Variants in ANKS1A observed in about 807,000 individuals in gnomAD.
The protein encoded by ANKS1A is ankyrin repeat and sterile alpha motif domain containing 1A.
Under a neutral mutation model 120.3 loss-of-function variants are expected in ANKS1A, and 55 were observed. That is an observed-to-expected ratio of 0.46 (90% CI 0.37 to 0.57). ANKS1A has a LOEUF of 0.57. Ranked by LOEUF, ANKS1A falls within the 20% of genes least tolerant of loss-of-function variation. ANKS1A has a pLI of 0.00. For missense variants in ANKS1A, 1,123 were observed against 1,480.3 expected (o/e 0.76, Z 3.96); for synonymous variants, 590 against 604.7 (o/e 0.98, Z 0.36).
intron 11 of ANKS1A, among the ~76,000 whole-genome samples, chr6:35,037,810 C>T (rs1197404364): frequency 2.6e-5 from 4 of 152,138 alleles, no homozygotes; most frequent in African/African-American, 7.2e-5. Flanking sequence ...TCTGCTTTAC[C>T]ACCCATTAGT....
chr6:34,976,132 A>G, intron 3 of ANKS1A, among the ~76,000 whole-genome samples: 2 of 147,834 alleles, frequency 1.4e-5, no homozygotes, highest in Non-Finnish European at 1.5e-5. Context: ...AGGAGACTCC[A>G]TCTCAAAAAA....
At position 35,086,544 on chromosome 6, in the gene ANKS1A, T is replaced by C. The variant is rs981042334; in HGVS notation, c.3304-408T>C. 2.6e-5 allele frequency among the ~76,000 whole-genome samples: 4 copies of C among 152,114 alleles called. No individual in the cohort carries two copies. In the East Asian group the frequency reaches 5.8e-4, roughly 22 times the overall value. On this transcript the variant is annotated intron_variant, in intron 22 of 23. Transcript: ENST00000360359. This position sits in a 1 kb window ranked among gnomAD's most constrained non-coding sequence, Gnocchi z 5.1. ...CTCTGTTTTTCTGTTGTGTGTCCTC[T>C]CTCCAGAGGTCTGGGGTGACTGCTG...
intron 1 of ANKS1A, among the ~76,000 whole-genome samples, chr6:34,951,124 T>C (rs1351373064): frequency 6.6e-6 from 1 of 152,176 alleles, no homozygotes; most frequent in African/African-American, 2.4e-5. Context: ...ATTTTCCACG[T>C]CGTAGATCTT....
chr6:34,908,267 CAGATAGCTGAT>C (rs1009031219), intron 1 of ANKS1A, among the ~76,000 whole-genome samples: 1 of 152,172 alleles, frequency 6.6e-6, no homozygotes, highest in African/African-American at 2.4e-5. Flanking sequence ...GCCAAAGATT[CAGATAGCTGAT>C]AGAAGATTGG....
chr6:35,033,971 T>C (rs1775033072), intron 11 of ANKS1A, among the ~76,000 whole-genome samples: 1 of 152,176 alleles, frequency 6.6e-6, no homozygotes, highest in Non-Finnish European at 1.5e-5. Flanking sequence ...TGGTCGGTGG[T>C]TCCACAAAGC....
chr6:35,056,723 C>T (rs1354934210), intron 12 of ANKS1A, among the ~76,000 whole-genome samples: 2 of 152,156 alleles, frequency 1.3e-5, no homozygotes, highest in Non-Finnish European at 2.9e-5. Flanking sequence ...TATAGTCCAG[C>T]TTGGGAAAGT....
intron 1 of ANKS1A, among the ~76,000 whole-genome samples, chr6:34,902,630 C>T (rs6918872): frequency 0.3 from 46,196 of 151,716 alleles, 9,817 homozygotes; most frequent in East Asian, 0.58. Flanking sequence ...ACCAAATTGA[C>T]AGAGCTGTCT....
intron 1 of ANKS1A, among the ~76,000 whole-genome samples, chr6:34,959,261 T>C (rs185823705): frequency 6.6e-6 from 1 of 152,354 alleles, no homozygotes; most frequent in East Asian, 1.9e-4. Context: ...AAGAGATTGT[T>C]GCCATTCTTA....
At position 35,042,578 on chromosome 6, in the gene ANKS1A, T is replaced by C. The variant is rs139988955; in HGVS notation, c.2011-11521T>C. 2.0e-3 allele frequency among the ~76,000 whole-genome samples: 297 copies of C among 152,262 alleles called. 1 individual carries two copies. Among genetic ancestry groups the C allele is most frequent in the African/African-American group, 6.7e-3 (277 of 41,524 alleles). Reference sequence around the variant, plus strand: ...GACCGGGAGCCATCCTCGGACCTTATGTATGTGTGAGCAGGTTTGCATCAG... The same window carrying C: ...GACCGGGAGCCATCCTCGGACCTTACGTATGTGTGAGCAGGTTTGCATCAG... On this transcript the variant is annotated intron_variant, in intron 11 of 23. Transcript: ENST00000360359.
rs577706564 is a variant in ANKS1A at position 35,050,984 on chromosome 6, G to A, written c.2011-3115G>A. On this transcript the variant is annotated intron_variant, in intron 11 of 23. Transcript: ENST00000360359. The surrounding 1 kb of genome is among the most constrained non-coding windows in gnomAD (Gnocchi z 4.3). ...ACAACTTCCTAGCCTGGGCAAAATCGTCCTGAGAGCATCCATTAGCATTTC... is the reference window on the plus strand; with the variant it reads ...ACAACTTCCTAGCCTGGGCAAAATCATCCTGAGAGCATCCATTAGCATTTC... Among the ~76,000 whole-genome samples the A allele has an allele frequency of 2.0e-4, 31 of 152,260 alleles. 1 individual carries two copies. In the South Asian group the frequency reaches 3.7e-3, roughly 18 times the overall value.
rs185690478 is a variant in ANKS1A, at chr6:34,946,104, C to T, written c.198-21135C>T. On this transcript the variant is annotated intron_variant, in intron 1 of 23. Coordinates refer to ENST00000360359, the MANE Select transcript of ANKS1A (RefSeq NM_015245.3). ...CAAGCAGTTCTCCTGCCTCAGCCTCCTGAGTAGCTGGGACTACAGGCGTGT... is the reference window on the plus strand; with the variant it reads ...CAAGCAGTTCTCCTGCCTCAGCCTCTTGAGTAGCTGGGACTACAGGCGTGT... 5.3e-4 allele frequency among the ~76,000 whole-genome samples: 80 copies of T among 151,868 alleles called. 1 individual carries two copies. The highest frequency in any genetic ancestry group is 9.3e-4 in the Non-Finnish European group (63 of 67,916).
intron 14 of ANKS1A, among the ~76,000 whole-genome samples, 154 bp downstream of exon 14, chr6:35,078,810 G>A (rs1000845329): frequency 1.3e-5 from 2 of 152,180 alleles, no homozygotes; most frequent in Admixed American, 6.5e-5. Flanking sequence ...CGGAAGGGCC[G>A]CACACAACCC....
At chr6:34,934,959 C>T (rs1450341674) in intron 1 of ANKS1A, among the ~76,000 whole-genome samples, 2 of 152,118 alleles carry the variant, frequency 1.3e-5, no homozygotes, top group African/African-American at 4.8e-5. Context: ...TATTTTCCTT[C>T]TTAGAACAGT....
In ANKS1A at chr6:35,085,719, A is replaced by C. The variant is rs1777929909; in HGVS notation, c.3133-47A>C. The stretch of plus-strand genomic sequence containing the variant: ...GCGAGGAAGGGCATATCCAGTGTGA[A>C]GCGGCTCCTGAACCAGGTGCTTAAG... On this transcript the variant is annotated intron_variant, in intron 21 of 23. Transcript: ENST00000360359. This position sits in a 1 kb window ranked among gnomAD's most constrained non-coding sequence, Gnocchi z 4.7. The C allele has an allele frequency of 1.3e-6, 2 of 1,533,170 alleles. No homozygotes were observed. The highest frequency in any genetic ancestry group is 2.8e-5 in the African/African-American group (2 of 72,258). 95.0% of individuals were successfully genotyped at this position (1,533,170 alleles called of 1,614,324 possible). A position where few individuals can be genotyped will look rare whatever the true frequency, so the allele number is the denominator to read the frequency against.
At chr6:34,991,657 TAC>T (rs1206516411) in intron 9 of ANKS1A, among the ~76,000 whole-genome samples, 2 of 109,864 alleles carry the variant, frequency 1.8e-5, no homozygotes, top group African/African-American at 2.9e-5. Flanking sequence ...CACATATATA[TAC>T]ACATATATAT....
intron 1 of ANKS1A, among the ~76,000 whole-genome samples, chr6:34,896,390 C>A (rs1460900788): frequency 1.3e-5 from 2 of 152,094 alleles, no homozygotes; most frequent in African/African-American, 2.4e-5. Flanking sequence ...TCTTAAAATA[C>A]TCCCTTTAAG....
chr6:34,910,510 G>C (rs929273971), intron 1 of ANKS1A, among the ~76,000 whole-genome samples: 20 of 152,152 alleles, frequency 1.3e-4, no homozygotes, highest in African/African-American at 4.1e-4. Flanking sequence ...GCAGTGAGCT[G>C]TGATCACACT....
At position 34,916,370 on chromosome 6, in the gene ANKS1A, ACC is replaced by A. The variant is rs1226002217; in HGVS notation, c.197+26772_197+26773del. ...TTATGGAGGATGAGACCAAGTCTCA[ACC>A]ACAGTATACTTTTCAACAAATATTG... On this transcript the variant is annotated intron_variant, in intron 1 of 23. Transcript: ENST00000360359. Among the ~76,000 whole-genome samples, 595 of 152,304 alleles carry A rather than the reference ACC, an allele frequency of 3.9e-3. 1 individual carries two copies. Among genetic ancestry groups the A allele is most frequent in the South Asian group, 0.018 (88 of 4,826 alleles).
In ANKS1A at chr6:34,981,996, C is replaced by G. The variant is rs540061701; in HGVS notation, c.732+10C>G. 1 of 1,612,578 alleles carries G rather than the reference C, an allele frequency of 6.2e-7. No homozygotes were observed. The highest frequency in any genetic ancestry group is 1.1e-5 in the South Asian group (1 of 90,988). On this transcript the variant is annotated intron_variant, in intron 4 of 23. Transcript: ENST00000360359. ...GGACAGCAACTACCAGGTAGCAGGG[C>G]GGGTGGGGGCTCCTCCAATCTCAAG... is the stretch of plus-strand genomic sequence containing the variant.
Sources: gnomAD v4.1 joint callset for allele counts (sites outside exome capture counted in the v4.1 genomes callset) on GRCh38, gnomAD v4.1.1 for gene constraint, Gnocchi (gnomAD v3.1) non-coding constraint, MANE v1.5 for transcripts, NCBI Gene and HGNC (gene_info 2026-07-23, HGNC 2026-07-21) for gene names.